Variants in NCOA2 observed in about 807,000 individuals in gnomAD.
NCOA2 encodes the protein class E basic helix-loop-helix protein 75.
NCOA2 carries 21 observed loss-of-function variants against 145.1 expected under a neutral mutation model. The observed-to-expected ratio is 0.14, with a 90% confidence interval of 0.10 to 0.21. The LOEUF (loss-of-function observed/expected upper bound fraction) is 0.21. Among genes scored for constraint, NCOA2 ranks in the 10% least tolerant of loss-of-function variants. The pLI is 1.00. For synonymous variants in NCOA2, 619 were observed against 637.5 expected, an observed-to-expected ratio of 0.97 and a Z score of 0.44; for missense variants, 1,472 against 1,837.6, an observed-to-expected ratio of 0.80 and a Z score of 3.64.
chr8:70,307,399 T>C (rs545288939), intron 1 of NCOA2, among the ~76,000 whole-genome samples: 1 of 152,218 alleles, frequency 6.6e-6, no homozygotes, highest in Non-Finnish European at 1.5e-5. Context: ...AACAATCTAT[T>C]GTGGCTAAAT....
chr8:70,243,137 G>A (rs1320793211), intron 2 of NCOA2, among the ~76,000 whole-genome samples: 2 of 151,924 alleles, frequency 1.3e-5, no homozygotes, highest in African/African-American at 4.8e-5. Flanking sequence ...ATTTGCAAAG[G>A]ACTGATATTT....
intron 21 of NCOA2, 161 bp downstream of exon 21, chr8:70,123,723 T>G (rs546907132): frequency 3.1e-5 from 15 of 478,070 alleles, no homozygotes; most frequent in African/African-American, 2.9e-4. Context: ...ACAAAGATTT[T>G]TATTAATGTC....
At chr8:70,220,658 T>A (rs561709293) in intron 2 of NCOA2, among the ~76,000 whole-genome samples, 14 of 152,296 alleles carry the variant, frequency 9.2e-5, no homozygotes, top group Middle Eastern at 3.4e-3. Flanking sequence ...ATGTTAAACC[T>A]CAACACAATT....
chr8:70,407,550 A>T (rs925271096), upstream of NCOA2, among the ~76,000 whole-genome samples: 1 of 151,888 alleles, frequency 6.6e-6, no homozygotes, highest in Non-Finnish European at 1.5e-5. Context: ...GCACTTTGGG[A>T]GGCCGAGGCA....
At chr8:70,118,837 T>C (rs1245145839) in intron 22 of NCOA2, among the ~76,000 whole-genome samples, 2 of 151,758 alleles carry the variant, frequency 1.3e-5, no homozygotes, top group Non-Finnish European at 2.9e-5. Context: ...TACAGGCGTG[T>C]GCTTCTACAC....
intron 15 of NCOA2, 146 bp from the exon 16 acceptor site, chr8:70,132,148 CA>C (rs761921483): frequency 6.3e-6 from 5 of 790,444 alleles, no homozygotes; most frequent in Non-Finnish European, 9.9e-6. Flanking sequence ...AACAAAAGGA[CA>C]GTCTGAAATA....
the NCOA2 span, among the ~76,000 whole-genome samples, chr8:70,430,611 G>A: frequency 6.6e-6 from 1 of 152,152 alleles, no homozygotes; most frequent in Non-Finnish European, 1.5e-5. Flanking sequence ...CTCATTGGCT[G>A]TCATGATAGG....
intron 1 of NCOA2, among the ~76,000 whole-genome samples, chr8:70,344,921 C>G (rs977706663): frequency 2.0e-5 from 3 of 152,174 alleles, no homozygotes; most frequent in African/African-American, 7.2e-5. Context: ...TGTTAACATA[C>G]TCTCTTCAAG....
chr8:70,416,356 A>G, the NCOA2 span, among the ~76,000 whole-genome samples: 1 of 152,080 alleles, frequency 6.6e-6, no homozygotes, highest in Non-Finnish European at 1.5e-5. Context: ...GACACATTAA[A>G]TAAATCACCA....
At position 70,110,264 on chromosome 8, in the gene NCOA2, G is replaced by A. The variant is rs899305136; in HGVS notation, c.*3368C>T. 3 of 198,550 alleles carry A rather than the reference G, an allele frequency of 1.5e-5. No homozygotes were observed. The highest frequency in any genetic ancestry group is 2.3e-5 in the African/African-American group (1 of 43,486). The allele number at this position is 198,550 out of a possible 1,614,324, so 12.3% of individuals were successfully genotyped here. The stretch of plus-strand genomic sequence containing the variant: ...GTGATGATGCACTTATTCAAAAATT[G>A]TACACAATTCACTATACAAATATAA... On this transcript the variant is annotated 3_prime_UTR_variant, in exon 23 of 23. Coordinates refer to ENST00000452400, the MANE Select transcript of NCOA2 (RefSeq NM_006540.4).
intron 3 of NCOA2, among the ~76,000 whole-genome samples, chr8:70,214,845 A>AG (rs1385433924): frequency 2.0e-5 from 3 of 152,282 alleles, no homozygotes; most frequent in South Asian, 2.1e-4. Context: ...TCAAGTGCAA[A>AG]GGGGGGCCCA....
chr8:70,278,795 G>A (rs1034020293), intron 2 of NCOA2, among the ~76,000 whole-genome samples: 13 of 151,810 alleles, frequency 8.6e-5, no homozygotes, highest in South Asian at 2.1e-4. Context: ...GCAAAACCCC[G>A]TCTCTACCAA....
intron 22 of NCOA2, among the ~76,000 whole-genome samples, chr8:70,114,986 A>G (rs2131182256): frequency 6.6e-6 from 1 of 152,182 alleles, no homozygotes; most frequent in East Asian, 1.9e-4. Flanking sequence ...AGAGAAGAAC[A>G]TTTAGCATAC....
At chr8:70,402,786 C>A (rs1195698406) in intron 1 of NCOA2, among the ~76,000 whole-genome samples, 6 of 151,554 alleles carry the variant, frequency 4.0e-5, no homozygotes, top group African/African-American at 1.5e-4. Flanking sequence ...CGCCCCCGGC[C>A]CCGGCCCCAG....
chr8:70,290,727 T>C lies in NCOA2; in HGVS notation c.-20+6017A>G, dbSNP rs1392746294. On this transcript the variant is annotated intron_variant, in intron 2 of 22. Transcript: ENST00000452400. ...TAAAAAAAACTTAATTGCATGGCTATGGATAATTTTATAAATGCTTAATTT... is the reference window on the plus strand; with the variant it reads ...TAAAAAAAACTTAATTGCATGGCTACGGATAATTTTATAAATGCTTAATTT... Among the ~76,000 whole-genome samples the C allele has an allele frequency of 5.9e-5, 9 of 152,318 alleles. No individual in the cohort carries two copies. The South Asian group carries it at 8.3e-4, about 14-fold the overall frequency.
At chr8:70,429,162 T>C in the NCOA2 span, among the ~76,000 whole-genome samples, 1 of 152,174 alleles carries the variant, frequency 6.6e-6, no homozygotes, top group Non-Finnish European at 1.5e-5. Context: ...TTTTGAGATG[T>C]TTTGCAGCAA....
chr8:70,246,974 A>G lies in NCOA2; in HGVS notation c.-19-30210T>C, dbSNP rs575146134. Among the ~76,000 whole-genome samples the G allele has an allele frequency of 3.3e-5, 5 of 152,302 alleles. No individual in the cohort carries two copies. The South Asian group carries it at 1.0e-3, about 32-fold the overall frequency. On this transcript the variant is annotated intron_variant, in intron 2 of 22. Transcript: ENST00000452400. The stretch of plus-strand genomic sequence containing the variant: ...AGAAAAACCAAGAATTATTACAGAT[A>G]CCAGAAGGGATTATTATCATATAAA...
chr8:70,389,996 A>G (rs1310573527), intron 1 of NCOA2, among the ~76,000 whole-genome samples: 1 of 152,202 alleles, frequency 6.6e-6, no homozygotes, highest in East Asian at 1.9e-4. Flanking sequence ...AAAAATAAAA[A>G]TAAAAATCCG....
chr8:70,317,340 A>T (rs1805673506), intron 1 of NCOA2, among the ~76,000 whole-genome samples: 1 of 152,180 alleles, frequency 6.6e-6, no homozygotes. Context: ...ATGAAAAAAT[A>T]AGACTGTCGT....
Sources: gnomAD v4.1 joint callset for allele counts (sites outside exome capture counted in the v4.1 genomes callset) on GRCh38, gnomAD v4.1.1 for gene constraint, MANE v1.5 for transcripts, NCBI Gene and HGNC (gene_info 2026-07-23, HGNC 2026-07-21) for gene names.